Variants in CSMD2 observed in about 807,000 individuals in gnomAD.
The protein encoded by CSMD2 is CUB and sushi domain-containing protein 2.
In CSMD2, 130 loss-of-function variants were observed where a neutral mutation model predicts 398.5. The ratio of observed to expected loss-of-function variants is 0.33; its 90% CI spans 0.28 to 0.38. CSMD2 has a LOEUF of 0.38. Among genes scored for constraint, CSMD2 ranks in the 10% least tolerant of loss-of-function variants. The pLI is 1.00. For synonymous variants in CSMD2, 1,828 were observed against 1,908.5 expected, an observed-to-expected ratio of 0.96 and a Z score of 1.10; for missense variants, 3,829 against 4,764.9, an observed-to-expected ratio of 0.80 and a Z score of 5.78.
intron 5 of CSMD2, among the ~76,000 whole-genome samples, chr1:33,913,125 C>A (rs1470505862): frequency 6.6e-6 from 1 of 152,192 alleles, no homozygotes; most frequent in East Asian, 1.9e-4. Context: ...TTCTGCTTAA[C>A]AAAGCAGCTA....
chr1:33,938,916 C>T (rs1644576173), intron 3 of CSMD2, among the ~76,000 whole-genome samples: 1 of 151,870 alleles, frequency 6.6e-6, no homozygotes, highest in South Asian at 2.1e-4. Flanking sequence ...CCCATGATCC[C>T]TTGCTGCTGA....
intron 6 of CSMD2, among the ~76,000 whole-genome samples, chr1:33,844,571 A>G (rs575267084): frequency 6.6e-6 from 1 of 152,324 alleles, no homozygotes; most frequent in African/African-American, 2.4e-5. Flanking sequence ...AGGAAGAATC[A>G]TTTATTAACA....
chr1:33,930,247 G>A (rs1644268075), intron 4 of CSMD2, among the ~76,000 whole-genome samples: 1 of 152,214 alleles, frequency 6.6e-6, no homozygotes, highest in African/African-American at 2.4e-5. Context: ...AGCCCTGTAA[G>A]GCTGCTACTT....
intron 3 of CSMD2, among the ~76,000 whole-genome samples, chr1:34,022,788 T>C (rs1266151406): frequency 6.6e-6 from 1 of 152,132 alleles, no homozygotes; most frequent in Non-Finnish European, 1.5e-5. Flanking sequence ...CTGGACTCCA[T>C]CCTGGAAGCA....
chr1:33,663,050 C>T lies in CSMD2; in HGVS notation c.4095G>A (p.Val1365=). 1 of 1,614,154 alleles carries T rather than the reference C, an allele frequency of 6.2e-7. No homozygotes were observed. The highest frequency in any genetic ancestry group is 1.1e-5 in the South Asian group (1 of 91,080). ...LVFDTEEVHD[V]LRIWDGPVES... is the part of the protein sequence containing the mutation. ...CCACAGGCCCATCCCAGATGCGCAG[C>T]ACGTCGTGAACCTCCTCTGTGTCAA... The change falls in exon 26 of 71, where the codon GTG becomes GTA. Residue 1365 remains valine (V), a synonymous_variant. Transcript: ENST00000373381.
At chr1:33,631,547 A>G (rs898318417) in intron 32 of CSMD2, among the ~76,000 whole-genome samples, 1 of 152,160 alleles carries the variant, frequency 6.6e-6, no homozygotes, top group African/African-American at 2.4e-5. Flanking sequence ...CTTTGAATAT[A>G]CTAGTAAAGA....
intron 3 of CSMD2, among the ~76,000 whole-genome samples, chr1:33,974,369 C>G (rs961633761): frequency 1.3e-5 from 2 of 152,338 alleles, no homozygotes; most frequent in African/African-American, 4.8e-5. Context: ...GCTCATTCTG[C>G]CTTTCTTCTG....
intron 7 of CSMD2, among the ~76,000 whole-genome samples, chr1:33,821,085 T>C (rs1164474959): frequency 6.6e-6 from 1 of 152,172 alleles, no homozygotes; most frequent in Non-Finnish European, 1.5e-5. Context: ...AACACAGACA[T>C]TTCTTCTGAG....
chr1:33,678,660 GC>G (rs144883422), intron 25 of CSMD2, among the ~76,000 whole-genome samples: 2,173 of 152,162 alleles, frequency 0.014, 41 homozygotes, highest in African/African-American at 0.048. Context: ...TTTATCAAAT[GC>G]CCCCCTCTAA....
At chr1:33,923,606 A>C (rs1345887340) in intron 4 of CSMD2, among the ~76,000 whole-genome samples, 1 of 152,178 alleles carries the variant, frequency 6.6e-6, no homozygotes, top group Non-Finnish European at 1.5e-5. Flanking sequence ...GGCATCCATC[A>C]CCTCAAGAGT....
At chr1:33,656,158 A>C (rs1643939514) in intron 27 of CSMD2, among the ~76,000 whole-genome samples, 1 of 152,160 alleles carries the variant, frequency 6.6e-6, no homozygotes, top group Admixed American at 6.5e-5. Flanking sequence ...AAAAGAAGGA[A>C]GGAAGGAAGA....
chr1:33,714,876 G>A (rs1646115712), intron 20 of CSMD2, 101 bp from the exon 21 acceptor site: 5 of 1,177,694 alleles, frequency 4.2e-6, no homozygotes, highest in Non-Finnish European at 4.9e-6. Flanking sequence ...AAAGGGCCAG[G>A]GACAACGAAA....
At chr1:33,797,623 C>T (rs1655102327) in intron 10 of CSMD2, among the ~76,000 whole-genome samples, 2 of 152,214 alleles carry the variant, frequency 1.3e-5, no homozygotes, top group Admixed American at 6.5e-5. Flanking sequence ...GGAAGCATGA[C>T]TTAAGCCTCT....
chr1:33,983,225 T>TA (rs1161026275), intron 3 of CSMD2, among the ~76,000 whole-genome samples: 1 of 152,158 alleles, frequency 6.6e-6, no homozygotes, highest in East Asian at 1.9e-4. Context: ...GATGGCTTTT[T>TA]AAAAAAATAT....
In CSMD2 at chr1:33,635,294, A is replaced by G; in HGVS notation, c.5006T>C (p.Val1669Ala). 1 of 1,613,048 alleles carries G rather than the reference A, an allele frequency of 6.2e-7. No individual in the cohort carries two copies. Among genetic ancestry groups the G allele is most frequent in the East Asian group, 2.2e-5 (1 of 44,818 alleles). Reference sequence around the variant, plus strand: ...CTGGGGGTAGTTGGGGGACAAGACCACTCCGTCCGAACCCACATACTGTCC... The same window carrying G: ...CTGGGGGTAGTTGGGGGACAAGACCGCTCCGTCCGAACCCACATACTGTCC... ...CGGQYVGSDGVVLSPNYPQNY... is the reference protein window; with the variant it reads ...CGGQYVGSDGAVLSPNYPQNY... The change falls in exon 31 of 71, where the codon GTG becomes GCG. Residue 1669 changes from valine to alanine, a missense_variant. Val to Ala is a moderately conservative substitution (Grantham distance 64, BLOSUM62 0). Coordinates refer to ENST00000373381, the MANE Select transcript of CSMD2 (RefSeq NM_001281956.2). The surrounding 1 kb of genome is among the most constrained non-coding windows in gnomAD (Gnocchi z 5.0).
At position 33,636,501 on chromosome 1, in the gene CSMD2, C is replaced by T; in HGVS notation, c.4828G>A (p.Val1610Met). 1.2e-6 allele frequency: 2 copies of T among 1,614,184 alleles called. No homozygotes were observed. Among genetic ancestry groups the T allele is most frequent in the African/African-American group, 1.3e-5 (1 of 75,048 alleles). Residue 1610 changes from valine (V) to methionine (M), a missense_variant, in exon 30 of 71, where the codon GTG becomes ATG. Coordinates refer to ENST00000373381, the MANE Select transcript of CSMD2 (RefSeq NM_001281956.2). This position sits in a 1 kb window ranked among gnomAD's most constrained non-coding sequence, Gnocchi z 4.8. ...DPGSIKNGTR[V>M]GSDLKLGSSV... ...GAGCCCAGCTTCAGGTCGGACCCCACCCGTGTGCCGTTCTTGATGGAACCA... is the reference window on the plus strand; with the variant it reads ...GAGCCCAGCTTCAGGTCGGACCCCATCCGTGTGCCGTTCTTGATGGAACCA...
intron 3 of CSMD2, among the ~76,000 whole-genome samples, chr1:34,024,994 A>G (rs934422720): frequency 6.6e-6 from 1 of 152,178 alleles, no homozygotes; most frequent in African/African-American, 2.4e-5. Context: ...CTTGCTTCCA[A>G]TTCCATCTCT....
chr1:33,910,276 T>G (rs1643376619), intron 5 of CSMD2, among the ~76,000 whole-genome samples: 1 of 152,114 alleles, frequency 6.6e-6, no homozygotes. Flanking sequence ...CTGTGTTCAT[T>G]TTGGGCCTCA....
At chr1:33,601,751 A>G (rs935923864) in intron 43 of CSMD2, among the ~76,000 whole-genome samples, 4 of 152,280 alleles carry the variant, frequency 2.6e-5, no homozygotes. Context: ...ATATAACTAC[A>G]TAACTCAGAG....
Sources: allele counts gnomAD v4.1 joint callset (sites outside exome capture counted in the v4.1 genomes callset), GRCh38; gene constraint gnomAD v4.1.1; non-coding constraint Gnocchi (gnomAD v3.1); transcripts MANE v1.5; gene names NCBI Gene and HGNC (gene_info 2026-07-23, HGNC 2026-07-21).